AMMECR1: variants seen among roughly 807,000 people sequenced by gnomAD.
AMMECR1 encodes nuclear protein AMMECR1.
A neutral mutation model predicts 22.5 loss-of-function variants in AMMECR1; 3 were observed. That is an observed-to-expected ratio of 0.13 (90% confidence interval 0.06 to 0.35). The LOEUF (loss-of-function observed/expected upper bound fraction) is 0.35. Ranked by LOEUF, AMMECR1 falls within the 10% of genes least tolerant of loss-of-function variation. The pLI is 1.00. For missense variants in AMMECR1, 235 were observed against 278.7 expected, an observed-to-expected ratio of 0.84 and a Z score of 1.12; for synonymous variants, 130 against 116.7, an observed-to-expected ratio of 1.11 and a Z score of -0.74.
chrX:110,326,181 G>A (rs1443009308), intron 2 of AMMECR1, among the ~76,000 whole-genome samples: 3 of 110,893 alleles, frequency 2.7e-5, no homozygotes, highest in Admixed American at 1.9e-4. Context: ...TAGTAGAAAC[G>A]GGGTTTCACC....
At chrX:110,396,553 A>T (rs2068529974) in intron 2 of AMMECR1, among the ~76,000 whole-genome samples, 1 of 112,286 alleles carries the variant, frequency 8.9e-6, no homozygotes, top group Admixed American at 9.4e-5. Flanking sequence ...TTTCTCAGGC[A>T]TCTGCTCTTG....
chrX:110,269,098 T>A (rs73250294), intron 1 of AMMECR1, among the ~76,000 whole-genome samples: 1 of 111,962 alleles, frequency 8.9e-6, no homozygotes, highest in Non-Finnish European at 1.9e-5. Context: ...ATCTAGATGA[T>A]GAATCCTCCC....
chrX:110,420,898 G>A (rs1178779812), intron 2 of AMMECR1, among the ~76,000 whole-genome samples: 1 of 111,437 alleles, frequency 9.0e-6, no homozygotes, highest in African/African-American at 3.3e-5. Flanking sequence ...ACTGTGCCCC[G>A]TCCATCACAC....
At chrX:110,437,403 G>T (rs2068846802) in intron 1 of AMMECR1, among the ~76,000 whole-genome samples, 1 of 112,304 alleles carries the variant, frequency 8.9e-6, no homozygotes, top group African/African-American at 3.2e-5. Context: ...AACATTATAT[G>T]ATAGCTCCTA....
At chrX:110,411,626 G>T (rs1447639628) in intron 2 of AMMECR1, among the ~76,000 whole-genome samples, 2 of 111,960 alleles carry the variant, frequency 1.8e-5, no homozygotes, top group Non-Finnish European at 3.8e-5. Context: ...TTAACAACCT[G>T]AGTATGGTGA....
intron 1 of AMMECR1, among the ~76,000 whole-genome samples, chrX:110,433,903 T>C (rs2068817142): frequency 8.9e-6 from 1 of 112,025 alleles, no homozygotes; most frequent in Non-Finnish European, 1.9e-5. Flanking sequence ...ACTGAGAATA[T>C]AAAGAGGAAT....
intron 2 of AMMECR1, among the ~76,000 whole-genome samples, chrX:110,234,367 TAGAA>T (rs2067587968): frequency 8.9e-6 from 1 of 112,239 alleles, no homozygotes; most frequent in Admixed American, 9.4e-5. Flanking sequence ...TGCTCATGGA[TAGAA>T]AGAATCGATA....
At chrX:110,198,717 A>G in intron 5 of AMMECR1, 83 bp from the exon 6 acceptor site, 1 of 665,991 alleles carries the variant, frequency 1.5e-6, no homozygotes, top group Non-Finnish European at 2.4e-6. Flanking sequence ...GACCTTAAAG[A>G]TAATTTTATA....
At chrX:110,438,758 A>G (rs150577354) in intron 1 of AMMECR1, among the ~76,000 whole-genome samples, 1,719 of 111,689 alleles carry the variant, frequency 0.015, 19 homozygotes, top group Non-Finnish European at 0.023. Context: ...AACACAAATT[A>G]GAAGCTGTTT....
At position 110,344,684 on chromosome X, in the gene AMMECR1, G is replaced by A. The variant is rs1221591245; in HGVS notation, c.-147-26835C>T. Among the ~76,000 whole-genome samples the A allele has an allele frequency of 2.7e-5, 3 of 111,330 alleles. No individual in the cohort carries two copies. The Admixed American group carries it at 2.9e-4, about 11-fold the overall frequency. ...ACAACCCCATCAAAAAGTGGGCAAA[G>A]GATATGAACAGACACTTCTCAAAAG... On this transcript the variant is annotated intron_variant, in intron 2 of 7. Coordinates refer to the AMMECR1 transcript ENST00000372057.
At chrX:110,331,631 C>A (rs1386231523) in intron 2 of AMMECR1, among the ~76,000 whole-genome samples, 1 of 111,485 alleles carries the variant, frequency 9.0e-6, no homozygotes, top group African/African-American at 3.3e-5. Context: ...ATTTTTGGCA[C>A]CTCCGTCAGA....
Position 110,333,534 on chromosome X carries a change from T to C in AMMECR1, c.-147-15685A>G, listed in dbSNP as rs2068129279. On this transcript the variant is annotated intron_variant, in intron 2 of 7. Coordinates refer to the AMMECR1 transcript ENST00000372057. ...AAGACACATGCACACGTATGTTTGT[T>C]GCAGCACTGTTCACAATAGCAAAGA... Among the ~76,000 whole-genome samples, 3 of 111,707 alleles carry C rather than the reference T, an allele frequency of 2.7e-5. 1 individual carries two copies. Among genetic ancestry groups the C allele is most frequent in the Admixed American group, 1.9e-4 (2 of 10,514 alleles).
At chrX:110,214,342 A>T (rs1351919470) in intron 3 of AMMECR1, among the ~76,000 whole-genome samples, 1 of 111,950 alleles carries the variant, frequency 8.9e-6, no homozygotes, top group Non-Finnish European at 1.9e-5. Context: ...CCCCTAAAAT[A>T]TATTAAATAC....
At chrX:110,319,125 A>G (rs1013035371), upstream of AMMECR1, among the ~76,000 whole-genome samples, 2 of 112,579 alleles carry the variant, frequency 1.8e-5, no homozygotes, top group Non-Finnish European at 3.8e-5. Flanking sequence ...AAATTTCTCA[A>G]TTAAATGCTT....
intron 2 of AMMECR1, among the ~76,000 whole-genome samples, chrX:110,405,121 T>C (rs1453149608): frequency 1.0e-5 from 1 of 97,701 alleles, no homozygotes; most frequent in Non-Finnish European, 2.0e-5. Flanking sequence ...TCAGAGCCTT[T>C]CATGGGGTTT....
intron 2 of AMMECR1, among the ~76,000 whole-genome samples, chrX:110,335,395 C>T (rs1002562374): frequency 6.3e-5 from 7 of 111,705 alleles, no homozygotes; most frequent in Non-Finnish European, 1.1e-4. Context: ...TATGATTTGA[C>T]ACATACATTC....
intron 2 of AMMECR1, among the ~76,000 whole-genome samples, chrX:110,359,828 T>C (rs781623403): frequency 2.3e-4 from 26 of 111,327 alleles, no homozygotes; most frequent in Non-Finnish European, 4.5e-4. Flanking sequence ...CATACAAGAA[T>C]TTTGAGGTTG....
chrX:110,372,370 C>T (rs1165719720), intron 2 of AMMECR1, among the ~76,000 whole-genome samples: 1 of 112,486 alleles, frequency 8.9e-6, no homozygotes, highest in Admixed American at 9.4e-5. Context: ...TGGCACCGTT[C>T]TTCACATCCG....
At chrX:110,239,259 A>G (rs1273747641) in intron 2 of AMMECR1, among the ~76,000 whole-genome samples, 2 of 111,396 alleles carry the variant, frequency 1.8e-5, no homozygotes, top group Admixed American at 9.5e-5. Flanking sequence ...TCCAAGATAA[A>G]GGAGCATGTT....
Sources: allele counts gnomAD v4.1 joint callset (sites outside exome capture counted in the v4.1 genomes callset), GRCh38; gene constraint gnomAD v4.1.1; transcripts MANE v1.5; gene names NCBI Gene and HGNC (gene_info 2026-07-23, HGNC 2026-07-21).